Variants in TECR observed in about 807,000 individuals in gnomAD.
TECR encodes the protein trans-2,3-enoyl-CoA reductase, also known as very-long-chain enoyl-CoA reductase.
A neutral mutation model predicts 50.6 loss-of-function variants in TECR; 19 were observed. That is an observed-to-expected ratio of 0.38 (90% CI 0.26 to 0.55). TECR has a LOEUF of 0.55. Ranked by LOEUF, TECR falls within the 20% of genes least tolerant of loss-of-function variation. TECR has a pLI of 0.79. For missense variants in TECR, 313 were observed against 408.3 expected (o/e 0.77, Z 2.01); for synonymous variants, 168 against 163.5 (o/e 1.03, Z -0.21).
In TECR at chr19:14,561,473, T is replaced by G. The variant is rs550146370; in HGVS notation, c.16-1052T>G. Among the ~76,000 whole-genome samples, 4 of 152,194 alleles carry G rather than the reference T, an allele frequency of 2.6e-5. No homozygotes were observed. The South Asian group carries it at 8.3e-4, about 32-fold the overall frequency. On this transcript the variant is annotated intron_variant, in intron 1 of 12. Coordinates refer to ENST00000215567, the MANE Select transcript of TECR (RefSeq NM_138501.6). ...GCACCCCCATCGTTCATCACTGGCCTGGGGGCTCAGGGAGGGCTGGGCCAG... is the reference window on the plus strand; with the variant it reads ...GCACCCCCATCGTTCATCACTGGCCGGGGGGCTCAGGGAGGGCTGGGCCAG...
At chr19:14,553,156 A>G (rs887542749) in intron 1 of TECR, among the ~76,000 whole-genome samples, 4 of 152,066 alleles carry the variant, frequency 2.6e-5, no homozygotes, top group African/African-American at 9.7e-5. Context: ...CGTGCGTCCG[A>G]TGACCATCTT....
rs1453125304 is a variant in TECR at position 14,564,651 on chromosome 19, ATCC to A, written c.490-131_490-129del. The A allele has an allele frequency of 1.3e-3, 1,071 of 848,936 alleles. 5 individuals carry two copies. Among genetic ancestry groups the A allele is most frequent in the Non-Finnish European group, 1.0e-3 (564 of 537,420 alleles). 52.6% of individuals were successfully genotyped at this position (848,936 alleles called of 1,614,324 possible). On this transcript the variant is annotated intron_variant, in intron 7 of 12. Coordinates refer to ENST00000215567, the MANE Select transcript of TECR (RefSeq NM_138501.6). ...CTAGCCTCACCCCTTGGCCCCGCCT[ATCC>A]TCCCCAGCCCCGCCCCAAGGCCCCT...
intron 1 of TECR, among the ~76,000 whole-genome samples, chr19:14,543,918 A>G (rs2073214234): frequency 6.7e-6 from 1 of 150,168 alleles, no homozygotes; most frequent in Non-Finnish European, 1.5e-5. Context: ...TTGTATTTTT[A>G]GTAGAGACAG....
chr19:14,557,977 G>A (rs1347077366), intron 1 of TECR, among the ~76,000 whole-genome samples: 1 of 150,780 alleles, frequency 6.6e-6, no homozygotes, highest in African/African-American at 2.4e-5. Context: ...GGATGGTCTC[G>A]ATCTCCTGAC....
At position 14,553,821 on chromosome 19, in the gene TECR, C is replaced by T. The variant is rs562694154; in HGVS notation, c.16-8704C>T. On this transcript the variant is annotated intron_variant, in intron 1 of 12. Transcript: ENST00000215567. Reference sequence around the variant, plus strand: ...GGAGCTCAGGCGATGAGTGCAGCAGCGCTTGTGCCCGGCGCGGGGATGGTG... The same window carrying T: ...GGAGCTCAGGCGATGAGTGCAGCAGTGCTTGTGCCCGGCGCGGGGATGGTG... Among the ~76,000 whole-genome samples the T allele has an allele frequency of 2.8e-4, 42 of 152,238 alleles. 1 individual carries two copies. The highest frequency in any genetic ancestry group is 3.4e-3 in the Middle Eastern group (1 of 294).
chr19:14,559,360 C>T (rs963914342), intron 1 of TECR, among the ~76,000 whole-genome samples: 19 of 152,106 alleles, frequency 1.2e-4, no homozygotes, highest in African/African-American at 4.3e-4. Flanking sequence ...AGCCCCTGGC[C>T]CCTCCAATTT....
In TECR at chr19:14,543,419, ATT is replaced by A. The variant is rs1169742953; in HGVS notation, c.15+13744_15+13745del. 2.3e-3 allele frequency among the ~76,000 whole-genome samples: 51 copies of A among 21,880 alleles called. 3 individuals carry two copies. The highest frequency in any genetic ancestry group is 0.011 in the African/African-American group (45 of 4,082). 14.4% of individuals were successfully genotyped at this position (21,880 alleles called of 152,430 possible). A position where few individuals can be genotyped will look rare whatever the true frequency, so the allele number is the denominator to read the frequency against. On this transcript the variant is annotated intron_variant, in intron 1 of 12. Coordinates refer to ENST00000215567, the MANE Select transcript of TECR (RefSeq NM_138501.6). The stretch of plus-strand genomic sequence containing the variant: ...TATATATATATATATATATATATAT[ATT>A]TTTTTTTTTTTTTTTTTTTTTTTTT...
Position 14,563,976 on chromosome 19 carries a change from T to C in TECR, c.268-6T>C. 6.2e-7 allele frequency: 1 copy of C among 1,614,026 alleles called. No homozygotes were observed. Among genetic ancestry groups the C allele is most frequent in the South Asian group, 1.1e-5 (1 of 91,088 alleles). On this transcript the variant is annotated splice_polypyrimidine_tract_variant and splice_region_variant and intron_variant, in intron 5 of 12. Coordinates refer to ENST00000215567, the MANE Select transcript of TECR (RefSeq NM_138501.6). The surrounding 1 kb of genome is among the most constrained non-coding windows in gnomAD (Gnocchi z 5.3). ...GGTGACTCATCTTGCCCCCCTCTACTCTCAGGTCTTCCTAACAGAGTACGC... is the reference window on the plus strand; with the variant it reads ...GGTGACTCATCTTGCCCCCCTCTACCCTCAGGTCTTCCTAACAGAGTACGC...
Position 14,534,423 on chromosome 19 carries a change from C to CTTTTTTT in TECR, c.15+4736_15+4742dup, listed in dbSNP as rs756051119. Among the ~76,000 whole-genome samples, 25 of 52,488 alleles carry CTTTTTTT rather than the reference C, an allele frequency of 4.8e-4. 3 individuals are homozygous for CTTTTTTT. Among genetic ancestry groups the CTTTTTTT allele is most frequent in the African/African-American group, 1.7e-3 (18 of 10,704 alleles). The allele number at this position is 52,488 out of a possible 152,430, so 34.4% of individuals were successfully genotyped here. A position where few individuals can be genotyped will look rare whatever the true frequency, so the allele number is the denominator to read the frequency against. ...ACAGGAGTGAGCCACCATGCCTGGC[C>CTTTTTTT]TTTTTTTTTTTTTTTTTTTTTTTTT... On this transcript the variant is annotated intron_variant, in intron 1 of 12. Transcript: ENST00000215567.
At chr19:14,556,672 G>C (rs1052801064) in intron 1 of TECR, among the ~76,000 whole-genome samples, 1 of 152,140 alleles carries the variant, frequency 6.6e-6, no homozygotes, top group Non-Finnish European at 1.5e-5. Flanking sequence ...ATGAATGCAG[G>C]CTCCCTGAGC....
chr19:14,550,511 C>G (rs1348783856), intron 1 of TECR, among the ~76,000 whole-genome samples: 1 of 152,072 alleles, frequency 6.6e-6, no homozygotes, highest in Non-Finnish European at 1.5e-5. Flanking sequence ...CGCCTTCCTG[C>G]CCTGAGTTGG....
chr19:14,562,330 C>G, intron 1 of TECR, 195 bp from the exon 2 acceptor site: 1 of 667,932 alleles, frequency 1.5e-6, no homozygotes, highest in Non-Finnish European at 2.7e-6. Flanking sequence ...TGGGGGCTGA[C>G]GGCCGGCAGC....
chr19:14,544,193 C>G (rs2073223835), intron 1 of TECR, among the ~76,000 whole-genome samples: 2 of 151,950 alleles, frequency 1.3e-5, no homozygotes, highest in Non-Finnish European at 2.9e-5. Flanking sequence ...TCCGAGAAGC[C>G]TCTGCCCCTG....
intron 1 of TECR, among the ~76,000 whole-genome samples, chr19:14,560,579 C>T (rs1276565039): frequency 6.6e-6 from 1 of 152,192 alleles, no homozygotes; most frequent in Admixed American, 6.5e-5. Context: ...TTTTCTGGCC[C>T]CTCCATGTGC....
At chr19:14,565,407 T>C (rs1023247464) in intron 11 of TECR, 117 bp downstream of exon 11, 22 of 1,422,450 alleles carry the variant, frequency 1.5e-5, no homozygotes, top group Admixed American at 9.5e-5. Flanking sequence ...ACTGCGAGCA[T>C]TGGGAGGTGG....
chr19:14,544,452 C>A (rs1471940539), intron 1 of TECR, among the ~76,000 whole-genome samples: 4 of 152,014 alleles, frequency 2.6e-5, no homozygotes, highest in Admixed American at 6.6e-5. Context: ...TCAAAAGTCA[C>A]TGCAACTGAT....
chr19:14,563,597 G>A lies in TECR; in HGVS notation c.119-61G>A, dbSNP rs1242436327. 1 of 1,606,286 alleles carries A rather than the reference G, an allele frequency of 6.2e-7. No individual in the cohort carries two copies. The highest frequency in any genetic ancestry group is 8.5e-7 in the Non-Finnish European group (1 of 1,177,262). Reference sequence around the variant, plus strand: ...CCCTGAGAAGCTGGCACAGTGGCTGGGCAGCGGACCGGCTGAGCCCTGCCA... The same window carrying A: ...CCCTGAGAAGCTGGCACAGTGGCTGAGCAGCGGACCGGCTGAGCCCTGCCA... On this transcript the variant is annotated intron_variant, in intron 3 of 12. Transcript: ENST00000215567. This position sits in a 1 kb window ranked among gnomAD's most constrained non-coding sequence, Gnocchi z 5.3.
intron 10 of TECR, 23 bp downstream of exon 10, chr19:14,565,146 G>A: frequency 6.2e-7 from 1 of 1,613,790 alleles, no homozygotes; most frequent in South Asian, 1.1e-5. Context: ...TGGGGGCAGG[G>A]GGACAGCTGG....
intron 11 of TECR, 131 bp downstream of exon 11, chr19:14,565,421 C>CCG: frequency 7.3e-7 from 1 of 1,374,732 alleles, no homozygotes; most frequent in Non-Finnish European, 1.0e-6. Context: ...GAGGTGGAGA[C>CCG]CGCGGCCTCT....
Sources: gnomAD v4.1 joint callset for allele counts (sites outside exome capture counted in the v4.1 genomes callset) on GRCh38, gnomAD v4.1.1 for gene constraint, Gnocchi (gnomAD v3.1) non-coding constraint, MANE v1.5 for transcripts, NCBI Gene and HGNC (gene_info 2026-07-23, HGNC 2026-07-21) for gene names.